PIAS1: variants seen among roughly 807,000 people sequenced by gnomAD.
PIAS1 encodes protein inhibitor of activated STAT 1.
In PIAS1, 6 loss-of-function variants were observed where a neutral mutation model predicts 71.3. That is an observed-to-expected ratio of 0.08 (90% CI 0.05 to 0.17). PIAS1 has a LOEUF of 0.17. Ranked by LOEUF, PIAS1 falls within the 10% of genes least tolerant of loss-of-function variation. PIAS1 has a pLI of 1.00. For synonymous variants in PIAS1, 303 were observed against 292.9 expected (o/e 1.03, Z -0.35); for missense variants, 555 against 793.6 (o/e 0.70, Z 3.61).
chr15:68,181,260 C>A lies in PIAS1; in HGVS notation c.1530C>A (p.Ser510Arg). The A allele has an allele frequency of 1.9e-6, 3 of 1,613,518 alleles. No individual in the cohort carries two copies. The highest frequency in any genetic ancestry group is 2.5e-6 in the Non-Finnish European group (3 of 1,179,542). ...HQASPVSRTP[S>R]LPAVDTSYIN... is the part of the protein sequence containing the mutation. ...CATCTCCAGTATCCCGCACCCCAAG[C>A]CTTCCTGCTGTAGACACAAGCTACA... The change falls in exon 12 of 14, where the codon AGC becomes AGA. Residue 510 changes from serine (S) to arginine (R), a missense_variant. Ser to Arg is a moderately radical substitution (Grantham distance 110). Transcript: ENST00000249636.
At chr15:68,078,894 T>C (rs1318241482) in intron 1 of PIAS1, among the ~76,000 whole-genome samples, 1 of 152,216 alleles carries the variant, frequency 6.6e-6, no homozygotes, top group Non-Finnish European at 1.5e-5. Context: ...TTGAAAACAT[T>C]TTTAATATAG....
intron 2 of PIAS1, among the ~76,000 whole-genome samples, chr15:68,130,744 A>C (rs2092683649): frequency 6.6e-6 from 1 of 151,962 alleles, no homozygotes; most frequent in African/African-American, 2.4e-5. Context: ...TAACTGGTAG[A>C]ATTTATCAGA....
intron 2 of PIAS1, among the ~76,000 whole-genome samples, chr15:68,130,634 C>A (rs1595750059): frequency 8.0e-6 from 1 of 124,256 alleles, no homozygotes. Context: ...GTAAGCAGGC[C>A]AAAGAGGAAT....
intron 2 of PIAS1, among the ~76,000 whole-genome samples, chr15:68,116,696 C>A (rs1316175568): frequency 6.7e-6 from 1 of 149,816 alleles, no homozygotes; most frequent in Admixed American, 6.6e-5. Flanking sequence ...CCTTTTTTTT[C>A]TAATATAGGC....
intron 1 of PIAS1, among the ~76,000 whole-genome samples, chr15:68,079,696 C>G (rs1347876570): frequency 6.6e-6 from 1 of 152,014 alleles, no homozygotes; most frequent in East Asian, 1.9e-4. Context: ...CCAGGCTGGT[C>G]TCAAACTCCT....
chr15:68,073,346 G>A (rs921755757), intron 1 of PIAS1, among the ~76,000 whole-genome samples: 3 of 152,076 alleles, frequency 2.0e-5, no homozygotes, highest in African/African-American at 7.2e-5. Context: ...TAATATATTT[G>A]CATTACCAAT....
intron 8 of PIAS1, among the ~76,000 whole-genome samples, chr15:68,169,032 A>G (rs1029715087): frequency 1.3e-5 from 2 of 152,096 alleles, no homozygotes; most frequent in African/African-American, 2.4e-5. Context: ...TTTATTTCTT[A>G]TCATCTTATC....
intron 1 of PIAS1, among the ~76,000 whole-genome samples, chr15:68,071,444 T>C (rs1201916567): frequency 6.6e-6 from 1 of 150,538 alleles, no homozygotes; most frequent in Non-Finnish European, 1.5e-5. Flanking sequence ...CTTGAACTCC[T>C]GACCTTGTGA....
At chr15:68,180,254 A>G (rs1253442624) in intron 11 of PIAS1, among the ~76,000 whole-genome samples, 1 of 151,818 alleles carries the variant, frequency 6.6e-6, no homozygotes, top group African/African-American at 2.4e-5. Context: ...ACGTGCCACC[A>G]GGCCTGGCTA....
At chr15:68,184,913 C>T (rs2093078005) in intron 13 of PIAS1, 1 of 153,418 alleles carries the variant, frequency 6.5e-6, no homozygotes, top group African/African-American at 2.4e-5. Context: ...CAAGCACACA[C>T]TGCCCGTGTA....
At chr15:68,164,591 G>T in intron 7 of PIAS1, 140 bp from the exon 8 acceptor site, 1 of 489,330 alleles carries the variant, frequency 2.0e-6, no homozygotes, top group Non-Finnish European at 3.6e-6. Context: ...CCATATGGTT[G>T]TTTTTATCTT....
Position 68,188,774 on chromosome 15 carries a change from T to A in PIAS1, c.*939T>A, listed in dbSNP as rs2093103977. 1 of 152,180 alleles carries A rather than the reference T, an allele frequency of 6.6e-6. No homozygotes were observed. The highest frequency in any genetic ancestry group is 2.4e-5 in the African/African-American group (1 of 41,450). The allele number at this position is 152,180 out of a possible 1,614,324, so 9.4% of individuals were successfully genotyped here. ...AAACCAAGTCTGTGAATACCTGCTT[T>A]TTTTGGCCACAGAGTAACAAGTTTT... On this transcript the variant is annotated 3_prime_UTR_variant, in exon 14 of 14. Transcript: ENST00000249636.
At chr15:68,097,594 A>G (rs571399628) in intron 2 of PIAS1, among the ~76,000 whole-genome samples, 1 of 152,044 alleles carries the variant, frequency 6.6e-6, no homozygotes, top group East Asian at 1.9e-4. Context: ...CACCACGCCC[A>G]TCTAATTTTT....
At chr15:68,168,424 G>GT (rs1471362521) in intron 8 of PIAS1, among the ~76,000 whole-genome samples, 3 of 152,126 alleles carry the variant, frequency 2.0e-5, no homozygotes, top group Admixed American at 2.0e-4. Context: ...TATCTAGAAT[G>GT]TTTTCTCTTG....
At chr15:68,109,730 G>A (rs1056894886) in intron 2 of PIAS1, among the ~76,000 whole-genome samples, 5 of 152,126 alleles carry the variant, frequency 3.3e-5, no homozygotes, top group African/African-American at 4.8e-5. Context: ...CAGGAGAAAC[G>A]CAAAACTCTT....
chr15:68,064,490 A>C (rs1436143798), intron 1 of PIAS1, among the ~76,000 whole-genome samples: 1 of 152,242 alleles, frequency 6.6e-6, no homozygotes, highest in African/African-American at 2.4e-5. Context: ...ATGCCTGGAT[A>C]AAAAGATCCA....
rs1368806536 is a variant in PIAS1, at chr15:68,142,037, TGTC to T, written c.554+11_554+13del. The T allele has an allele frequency of 1.3e-6, 2 of 1,574,300 alleles. No homozygotes were observed. Among genetic ancestry groups the T allele is most frequent in the Non-Finnish European group, 1.7e-6 (2 of 1,151,696 alleles). On this transcript the variant is annotated splice_region_variant and intron_variant, in intron 3 of 13. Transcript: ENST00000249636. ...AGCAAATCAGTAGTTCCATGTAAGT[TGTC>T]GTCAAGTGTAACTTGAAGTTTGACC...
chr15:68,056,597 G>GT (rs1469377669), intron 1 of PIAS1, among the ~76,000 whole-genome samples: 1 of 151,534 alleles, frequency 6.6e-6, no homozygotes, highest in Admixed American at 6.6e-5. Context: ...GTATGTCATT[G>GT]TGTGTGTCTG....
At chr15:68,074,759 G>A (rs2092139400) in intron 1 of PIAS1, among the ~76,000 whole-genome samples, 1 of 151,612 alleles carries the variant, frequency 6.6e-6, no homozygotes, top group Non-Finnish European at 1.5e-5. Context: ...TTTTGACAGA[G>A]TAAGTTGTAG....
Sources: allele counts gnomAD v4.1 joint callset (sites outside exome capture counted in the v4.1 genomes callset), GRCh38; gene constraint gnomAD v4.1.1; transcripts MANE v1.5; gene names NCBI Gene and HGNC (gene_info 2026-07-23, HGNC 2026-07-21).